Variants in PDE6C observed in about 807,000 individuals in gnomAD.
The protein encoded by PDE6C is cone cGMP-specific 3',5'-cyclic phosphodiesterase subunit alpha'.
A neutral mutation model predicts 113.1 loss-of-function variants in PDE6C; 75 were observed. The observed-to-expected ratio is 0.66, with a 90% confidence interval of 0.55 to 0.80. The LOEUF is 0.80. PDE6C is among the 30% of genes least tolerant of loss of function. PDE6C has a pLI of 0.00. For synonymous variants in PDE6C, 375 were observed against 363.7 expected, an observed-to-expected ratio of 1.03 and a Z score of -0.35; for missense variants, 912 against 1,038.6, an observed-to-expected ratio of 0.88 and a Z score of 1.67.
At chr10:93,622,650 G>GTTTTTTTTT (rs71031523) in intron 4 of PDE6C, among the ~76,000 whole-genome samples, 1 of 107,474 alleles carries the variant, frequency 9.3e-6, no homozygotes, top group African/African-American at 4.7e-5. Flanking sequence ...TTTTTTTTTT[G>GTTTTTTTTT]TTTTTTTTTT....
intron 15 of PDE6C, among the ~76,000 whole-genome samples, chr10:93,651,398 A>G (rs1428745554): frequency 6.6e-6 from 1 of 152,202 alleles, no homozygotes; most frequent in Non-Finnish European, 1.5e-5. Context: ...GAAACTTACA[A>G]TCATGGCTGA....
chr10:93,613,214 C>A lies in PDE6C; in HGVS notation c.480+9C>A. Reference sequence around the variant, plus strand: ...TCCCAGATGTGAAAAAGGTAGGTGGCCTTATGACAGTGGGGCAGAGGTCTT... The same window carrying A: ...TCCCAGATGTGAAAAAGGTAGGTGGACTTATGACAGTGGGGCAGAGGTCTT... On this transcript the variant is annotated intron_variant, in intron 1 of 21. Transcript: ENST00000371447. The A allele has an allele frequency of 6.2e-7, 1 of 1,613,360 alleles. No individual in the cohort carries two copies.
At chr10:93,619,610 G>A (rs1440882744) in intron 1 of PDE6C, among the ~76,000 whole-genome samples, 1 of 152,136 alleles carries the variant, frequency 6.6e-6, no homozygotes, top group African/African-American at 2.4e-5. Context: ...TATTTTAGTA[G>A]AGACAGGGTT....
chr10:93,648,777 G>C (rs577907045), intron 15 of PDE6C, among the ~76,000 whole-genome samples: 1 of 152,254 alleles, frequency 6.6e-6, no homozygotes, highest in Non-Finnish European at 1.5e-5. Context: ...AGAATATACT[G>C]TAGAAATGAC....
intron 18 of PDE6C, among the ~76,000 whole-genome samples, chr10:93,660,307 C>G (rs2058660336): frequency 6.6e-6 from 1 of 152,114 alleles, no homozygotes; most frequent in Non-Finnish European, 1.5e-5. Flanking sequence ...AACAGTTAAA[C>G]TTGTATGTTT....
intron 14 of PDE6C, 66 bp from the exon 15 acceptor site, chr10:93,645,894 T>C: frequency 2.2e-6 from 2 of 918,878 alleles, no homozygotes; most frequent in East Asian, 2.4e-5. Flanking sequence ...AGAAAAATCC[T>C]GAATTGTATG....
At chr10:93,640,854 C>T (rs2058556133) in intron 13 of PDE6C, 66 bp from the exon 14 acceptor site, 7 of 1,037,388 alleles carry the variant, frequency 6.7e-6, no homozygotes, top group Non-Finnish European at 1.0e-5. Context: ...TTGCAGGCTG[C>T]ACTTGGTATA....
chr10:93,662,267 A>G, intron 19 of PDE6C, 134 bp downstream of exon 19: 1 of 723,932 alleles, frequency 1.4e-6, no homozygotes, highest in South Asian at 1.4e-5. Context: ...GATCGAGACC[A>G]TCCTGACCAA....
chr10:93,635,276 CCT>C (rs946478959), intron 9 of PDE6C, among the ~76,000 whole-genome samples: 1 of 152,126 alleles, frequency 6.6e-6, no homozygotes, highest in African/African-American at 2.4e-5. Flanking sequence ...GTTGGTAACA[CCT>C]CTCTCTTCTA....
chr10:93,620,023 C>G lies in PDE6C; in HGVS notation c.481-609C>G, dbSNP rs148513181. On this transcript the variant is annotated intron_variant, in intron 1 of 21. Transcript: ENST00000371447. ...CCTAAGACATTGTTAAGTGATGAAA[C>G]TATTATAAGCAATTAGAAAAGGAAA... Among the ~76,000 whole-genome samples, 322 of 152,000 alleles carry G rather than the reference C, an allele frequency of 2.1e-3. 1 individual carries two copies. The highest frequency in any genetic ancestry group is 7.4e-3 in the African/African-American group (305 of 41,466).
rs3781279 is a variant in PDE6C, at chr10:93,614,686, A to G, written c.480+1481A>G. On this transcript the variant is annotated intron_variant, in intron 1 of 21. Coordinates refer to ENST00000371447, the MANE Select transcript of PDE6C (RefSeq NM_006204.4). ...GATGGGTAAAATGATTTCTGCTGTT[A>G]TACTTTGATTAGCCCAGTTCTCTGT... Among the ~76,000 whole-genome samples the G allele has an allele frequency of 5.7e-4, 87 of 152,278 alleles. 2 individuals are homozygous for G. In the East Asian group the frequency reaches 0.015, roughly 27 times the overall value.
chr10:93,652,912 T>C (rs929601160), intron 15 of PDE6C, among the ~76,000 whole-genome samples: 1 of 152,206 alleles, frequency 6.6e-6, no homozygotes, highest in African/African-American at 2.4e-5. Flanking sequence ...GCAGTCTGAT[T>C]TGCTTCTTTA....
chr10:93,646,274 G>T (rs1449854442), intron 15 of PDE6C, among the ~76,000 whole-genome samples: 1 of 152,130 alleles, frequency 6.6e-6, no homozygotes, highest in Non-Finnish European at 1.5e-5. Context: ...GAATCTCTGT[G>T]GGTCTGTAGG....
At position 93,622,657 on chromosome 10, in the gene PDE6C, TTTTTGTTG is replaced by T. The variant is rs1443296412; in HGVS notation, c.864+590_864+597del. Among the ~76,000 whole-genome samples the T allele has an allele frequency of 6.2e-3, 448 of 72,100 alleles. 23 individuals are homozygous for T. Among genetic ancestry groups the T allele is most frequent in the African/African-American group, 0.021 (383 of 18,652 alleles). The allele number at this position is 72,100 out of a possible 152,430, so 47.3% of individuals were successfully genotyped here. A position where few individuals can be genotyped will look rare whatever the true frequency, so the allele number is the denominator to read the frequency against. On this transcript the variant is annotated intron_variant, in intron 4 of 21. Transcript: ENST00000371447. ...GCCACAGGTTTTTTTTTTGTTTTTT[TTTTTGTTG>T]TTTTTTTTTTTTTGCTGTTTCTATA...
intron 18 of PDE6C, 70 bp from the exon 19 acceptor site, chr10:93,661,989 C>A: frequency 1.1e-6 from 1 of 921,760 alleles, no homozygotes; most frequent in Non-Finnish European, 1.8e-6. Flanking sequence ...TTAAATGTCA[C>A]TTGTACTAAT....
intron 15 of PDE6C, among the ~76,000 whole-genome samples, chr10:93,649,604 CTTATT>C (rs1389402250): frequency 1.3e-5 from 2 of 152,036 alleles, no homozygotes; most frequent in Admixed American, 6.6e-5. Flanking sequence ...AACTGCATCT[CTTATT>C]TTATTTTATT....
Position 93,640,159 on chromosome 10 carries a change from TG to T in PDE6C, c.1574del (p.Gly525GlufsTer8). 1 of 1,613,550 alleles carries T rather than the reference TG, an allele frequency of 6.2e-7. No individual in the cohort carries two copies. The highest frequency in any genetic ancestry group is 8.5e-7 in the Non-Finnish European group (1 of 1,179,470). On this transcript the variant is annotated frameshift_variant, in exon 12 of 22. Transcript: ENST00000371447. LOFTEE classifies it high-confidence loss of function. ...TTACAGAGCACGGATTGATTAAATG[TG>T]GAATACGACTGTTTTTTGAAATAAA... ...PLTEHGLIKC[G>X]IRLFFEINVV...
chr10:93,638,842 GC>G (rs1364532315), intron 11 of PDE6C, among the ~76,000 whole-genome samples: 1 of 152,180 alleles, frequency 6.6e-6, no homozygotes, highest in Non-Finnish European at 1.5e-5. Context: ...ACAGTTCTGT[GC>G]AAGAGTGTGA....
At chr10:93,620,221 C>T (rs748840983) in intron 1 of PDE6C, among the ~76,000 whole-genome samples, 10 of 152,066 alleles carry the variant, frequency 6.6e-5, no homozygotes, top group Non-Finnish European at 1.0e-4. Flanking sequence ...CATGTTTTCC[C>T]TTTGTAATGA....
Sources: allele counts gnomAD v4.1 joint callset (sites outside exome capture counted in the v4.1 genomes callset), GRCh38; gene constraint gnomAD v4.1.1; transcripts MANE v1.5; gene names NCBI Gene and HGNC (gene_info 2026-07-23, HGNC 2026-07-21).